Variants in PRKG1 observed in about 807,000 individuals in gnomAD.
PRKG1 encodes the protein cGMP-dependent protein kinase 1.
Under a neutral mutation model 88.1 loss-of-function variants are expected in PRKG1, and 35 were observed. The ratio of observed to expected loss-of-function variants is 0.40; its 90% confidence interval spans 0.30 to 0.53. The LOEUF is 0.53. Among genes scored for constraint, PRKG1 ranks in the 20% least tolerant of loss-of-function variants. The pLI, the probability that PRKG1 is intolerant of heterozygous loss-of-function variation, is 0.59. For synonymous variants in PRKG1, 303 were observed against 292.5 expected (o/e 1.04, Z -0.37); for missense variants, 540 against 839.8 (o/e 0.64, Z 4.41).
intron 2 of PRKG1, among the ~76,000 whole-genome samples, chr10:51,266,710 A>T (rs1839844975): frequency 6.6e-6 from 1 of 152,188 alleles, no homozygotes; most frequent in East Asian, 1.9e-4. Context: ...ACGCAGCACA[A>T]AGGTCAATGC....
At chr10:51,513,148 A>G (rs1589034402) in intron 3 of PRKG1, among the ~76,000 whole-genome samples, 1 of 151,582 alleles carries the variant, frequency 6.6e-6, no homozygotes, top group South Asian at 2.1e-4. Flanking sequence ...AGGATGGAGG[A>G]AGATCTACCA....
intron 9 of PRKG1, among the ~76,000 whole-genome samples, chr10:52,211,699 TAAAAAA>T (rs57320498): frequency 1.7e-5 from 2 of 119,968 alleles, no homozygotes; most frequent in South Asian, 2.7e-4. Context: ...CCTATCCTGG[TAAAAAA>T]AAAAAAAAAA....
chr10:51,653,137 T>G (rs1840081037), intron 3 of PRKG1, among the ~76,000 whole-genome samples: 2 of 152,232 alleles, frequency 1.3e-5, no homozygotes, highest in African/African-American at 4.8e-5. Flanking sequence ...GTTGATTCCA[T>G]ATCTTAGCTT....
intron 1 of PRKG1, among the ~76,000 whole-genome samples, chr10:51,048,782 T>C (rs1843522800): frequency 1.3e-5 from 2 of 152,078 alleles, no homozygotes; most frequent in Non-Finnish European, 2.9e-5. Flanking sequence ...ACTTCAGTAG[T>C]ATGTGTACAC....
chr10:52,183,108 A>G (rs1203458772), intron 9 of PRKG1, among the ~76,000 whole-genome samples: 4 of 152,232 alleles, frequency 2.6e-5, no homozygotes, highest in African/African-American at 7.2e-5. Flanking sequence ...TCACCAAGCC[A>G]TTTATGAGAC....
chr10:51,240,094 A>C (rs996949216), intron 2 of PRKG1, among the ~76,000 whole-genome samples: 4 of 152,172 alleles, frequency 2.6e-5, no homozygotes, highest in African/African-American at 9.7e-5. Context: ...TTCTAGTTAT[A>C]TATTAAAGAC....
chr10:51,510,868 C>T (rs1478371416), intron 3 of PRKG1, among the ~76,000 whole-genome samples: 28 of 150,974 alleles, frequency 1.9e-4, no homozygotes, highest in Admixed American at 1.7e-3. Context: ...CTCAGCCTCC[C>T]AAGTAGCTGG....
At chr10:52,135,238 A>G (rs1219170565) in intron 8 of PRKG1, among the ~76,000 whole-genome samples, 1 of 151,188 alleles carries the variant, frequency 6.6e-6, no homozygotes, top group African/African-American at 2.5e-5. Context: ...CAATATAAAT[A>G]TGATGACTAG....
At chr10:52,167,431 G>C (rs1305423643) in intron 9 of PRKG1, among the ~76,000 whole-genome samples, 1 of 151,854 alleles carries the variant, frequency 6.6e-6, no homozygotes, top group African/African-American at 2.4e-5. Context: ...ATTTAGACAG[G>C]ACAAATATTC....
chr10:52,117,354 G>GT (rs1205341046), intron 7 of PRKG1, among the ~76,000 whole-genome samples: 1 of 152,074 alleles, frequency 6.6e-6, no homozygotes, highest in Non-Finnish European at 1.5e-5. Context: ...AGGCAATGCT[G>GT]TAAGTGACAC....
At position 51,397,233 on chromosome 10, in the gene PRKG1, A is replaced by G. The variant is rs546645169; in HGVS notation, c.479-70490A>G. On this transcript the variant is annotated intron_variant, in intron 2 of 17. Coordinates refer to ENST00000373980, the MANE Select transcript of PRKG1 (RefSeq NM_006258.4). ...GATGTGTAAGTTTTTAAAAGAATTT[A>G]ATCAGAGATTCAGAATTCTAAAATT... Among the ~76,000 whole-genome samples, 9 of 151,444 alleles carry G rather than the reference A, an allele frequency of 5.9e-5. No individual in the cohort carries two copies. In the South Asian group the frequency reaches 1.9e-3, roughly 32 times the overall value.
At chr10:51,890,437 C>A (rs1232629929) in intron 4 of PRKG1, among the ~76,000 whole-genome samples, 1 of 151,154 alleles carries the variant, frequency 6.6e-6, no homozygotes, top group Admixed American at 6.6e-5. Context: ...CTGCAAAAAT[C>A]TCTTACAAGA....
chr10:51,283,156 C>A (rs1840344363), intron 2 of PRKG1, among the ~76,000 whole-genome samples: 1 of 151,980 alleles, frequency 6.6e-6, no homozygotes, highest in Non-Finnish European at 1.5e-5. Flanking sequence ...ACCATTGCTA[C>A]TGCCACTTTA....
chr10:52,142,580 G>A (rs1903993), intron 8 of PRKG1, among the ~76,000 whole-genome samples: 114,509 of 152,012 alleles, frequency 0.75, 43,536 homozygotes, highest in South Asian at 0.86. Context: ...TAGATCAATC[G>A]ATCAGTGGTA....
At chr10:52,233,844 C>G (rs994654375) in intron 9 of PRKG1, among the ~76,000 whole-genome samples, 11 of 152,122 alleles carry the variant, frequency 7.2e-5, no homozygotes, top group African/African-American at 2.7e-4. Flanking sequence ...CCACTGTAGG[C>G]TCCACCTCTG....
intron 2 of PRKG1, among the ~76,000 whole-genome samples, chr10:51,178,929 C>T (rs1837272331): frequency 6.6e-6 from 1 of 152,134 alleles, no homozygotes; most frequent in Non-Finnish European, 1.5e-5. Context: ...AATATTAGTA[C>T]ACTAGACTGA....
chr10:51,438,647 G>A (rs1348914411), intron 2 of PRKG1, among the ~76,000 whole-genome samples: 1 of 151,908 alleles, frequency 6.6e-6, no homozygotes, highest in East Asian at 1.9e-4. Context: ...TACTATCAAT[G>A]ATGATTTATC....
intron 9 of PRKG1, among the ~76,000 whole-genome samples, chr10:52,169,923 G>GCAGA (rs1838616145): frequency 1.3e-5 from 2 of 152,054 alleles, no homozygotes; most frequent in Non-Finnish European, 2.9e-5. Context: ...CATGACAAAG[G>GCAGA]CAGACCTCTT....
intron 2 of PRKG1, among the ~76,000 whole-genome samples, chr10:51,205,172 C>G (rs1838023578): frequency 2.0e-5 from 1 of 49,988 alleles, no homozygotes; most frequent in Admixed American, 3.3e-4. Context: ...CAGAGTCTTG[C>G]TCTGTTGCCC....
Sources: gnomAD v4.1 joint callset for allele counts (sites outside exome capture counted in the v4.1 genomes callset) on GRCh38, gnomAD v4.1.1 for gene constraint, MANE v1.5 for transcripts, NCBI Gene and HGNC (gene_info 2026-07-23, HGNC 2026-07-21) for gene names.